Variants in GALNT14 observed in about 807,000 individuals in gnomAD.
GALNT14 encodes the protein UDP-GalNAc:polypeptide N-acetylgalactosaminyltransferase 14.
A neutral mutation model predicts 77.5 loss-of-function variants in GALNT14; 60 were observed. The observed-to-expected ratio is 0.77, with a 90% confidence interval of 0.63 to 0.96. The LOEUF (loss-of-function observed/expected upper bound fraction) is 0.96. GALNT14 is among the 40% of genes least tolerant of loss of function. GALNT14 has a pLI of 0.00. For synonymous variants in GALNT14, 280 were observed against 281.7 expected (o/e 0.99, Z 0.06); for missense variants, 710 against 731.0 (o/e 0.97, Z 0.33).
At chr2:31,131,930 C>T (rs115776891) in intron 1 of GALNT14, among the ~76,000 whole-genome samples, 1,898 of 152,288 alleles carry the variant, frequency 0.012, 33 homozygotes, top group South Asian at 0.045. Flanking sequence ...CCTCTGTCTT[C>T]TCTGATTTGA....
At chr2:31,088,931 A>T (rs1676593476) in intron 1 of GALNT14, among the ~76,000 whole-genome samples, 1 of 152,174 alleles carries the variant, frequency 6.6e-6, no homozygotes, top group Non-Finnish European at 1.5e-5. Flanking sequence ...GCAAGAGGGG[A>T]AACAGCAGAT....
chr2:30,954,144 G>C (rs1219632304), intron 6 of GALNT14, among the ~76,000 whole-genome samples: 2 of 152,158 alleles, frequency 1.3e-5, no homozygotes, highest in African/African-American at 4.8e-5. Flanking sequence ...GTGGAGAGGA[G>C]GGGAAGGGCA....
chr2:31,108,103 T>C (rs1677648959), intron 1 of GALNT14, among the ~76,000 whole-genome samples: 1 of 152,226 alleles, frequency 6.6e-6, no homozygotes, highest in African/African-American at 2.4e-5. Flanking sequence ...TGGCACCATC[T>C]GCCTGGCTGT....
At chr2:31,136,456 T>TC (rs759905295) in intron 1 of GALNT14, among the ~76,000 whole-genome samples, 22 of 152,060 alleles carry the variant, frequency 1.4e-4, no homozygotes, top group Non-Finnish European at 3.1e-4. Flanking sequence ...GACCTCAGGC[T>TC]CCCATGACAC....
At chr2:31,125,371 G>C in intron 1 of GALNT14, 1 of 759,678 alleles carries the variant, frequency 1.3e-6, no homozygotes, top group South Asian at 1.6e-5. Flanking sequence ...GAAAGATCTG[G>C]ATCCAGCCTT....
rs75492807 is a variant in GALNT14, at chr2:30,921,442, A to C, written c.1380+2677T>G. On this transcript the variant is annotated intron_variant, in intron 13 of 14. Transcript: ENST00000349752. ...ATTCTCATCCAGGCAGTCACGCCTT[A>C]AGCAAAATCAACACCTCAATTTCCT... Among the ~76,000 whole-genome samples, 417 of 152,294 alleles carry C rather than the reference A, an allele frequency of 2.7e-3. 1 individual carries two copies. Among genetic ancestry groups the C allele is most frequent in the Non-Finnish European group, 3.0e-3 (203 of 68,026 alleles).
At chr2:30,924,541 A>C (rs973904340) in intron 12 of GALNT14, among the ~76,000 whole-genome samples, 199 bp downstream of exon 12, 1 of 152,190 alleles carries the variant, frequency 6.6e-6, no homozygotes, top group Non-Finnish European at 1.5e-5. Context: ...CTACTGGCTA[A>C]CTGTAATCCT....
chr2:31,118,904 C>A (rs1420520737), intron 1 of GALNT14, among the ~76,000 whole-genome samples: 1 of 151,976 alleles, frequency 6.6e-6, no homozygotes, highest in African/African-American at 2.4e-5. Context: ...AAATGGAGTT[C>A]CCAGAACTAG....
At chr2:31,048,129 A>G (rs11886970) in intron 1 of GALNT14, among the ~76,000 whole-genome samples, 65,829 of 152,192 alleles carry the variant, frequency 0.43, 14,558 homozygotes, top group East Asian at 0.54. Context: ...CCAGACCCGA[A>G]GGCCATGAAA....
chr2:30,967,284 C>T (rs1408733344), intron 2 of GALNT14, among the ~76,000 whole-genome samples: 1 of 152,096 alleles, frequency 6.6e-6, no homozygotes, highest in Non-Finnish European at 1.5e-5. Context: ...ATTTCTTTTC[C>T]CCTGGAAAGA....
chr2:31,094,074 G>GA (rs1676886093), intron 1 of GALNT14, among the ~76,000 whole-genome samples: 1 of 152,200 alleles, frequency 6.6e-6, no homozygotes, highest in Admixed American at 6.5e-5. Context: ...TGAAGCAACT[G>GA]AAGATCCACA....
chr2:30,971,955 T>A (rs537400730), intron 2 of GALNT14, among the ~76,000 whole-genome samples: 103 of 152,272 alleles, frequency 6.8e-4, no homozygotes, highest in African/African-American at 2.2e-3. Flanking sequence ...CAATGAGCAG[T>A]CAGGGCTCCC....
intron 1 of GALNT14, among the ~76,000 whole-genome samples, chr2:31,014,037 C>T (rs997398803): frequency 1.3e-5 from 2 of 152,220 alleles, no homozygotes; most frequent in African/African-American, 4.8e-5. Flanking sequence ...TATGCTCTGA[C>T]ACTGGCTCCA....
intron 1 of GALNT14, among the ~76,000 whole-genome samples, chr2:31,010,900 T>C (rs960091801): frequency 2.0e-5 from 3 of 152,198 alleles, no homozygotes; most frequent in African/African-American, 7.2e-5. Context: ...AGTGGCAAGA[T>C]GGGAAACCAG....
intron 1 of GALNT14, among the ~76,000 whole-genome samples, chr2:31,070,452 C>A (rs940534260): frequency 6.6e-6 from 1 of 152,156 alleles, no homozygotes; most frequent in African/African-American, 2.4e-5. Flanking sequence ...AACACCACCT[C>A]CTTCTGAAAC....
intron 1 of GALNT14, among the ~76,000 whole-genome samples, chr2:31,128,591 G>C (rs1379681437): frequency 6.6e-6 from 1 of 152,186 alleles, no homozygotes; most frequent in African/African-American, 2.4e-5. Context: ...GAGCAGCCTA[G>C]GAATGAACAG....
At chr2:31,056,205 C>T (rs1674196766) in intron 1 of GALNT14, among the ~76,000 whole-genome samples, 1 of 152,094 alleles carries the variant, frequency 6.6e-6, no homozygotes, top group Admixed American at 6.6e-5. Context: ...CCAAGTGATT[C>T]CAAAGTAGGC....
intron 1 of GALNT14, among the ~76,000 whole-genome samples, chr2:31,119,952 C>T (rs1289336252): frequency 3.9e-5 from 3 of 76,630 alleles, no homozygotes; most frequent in East Asian, 5.9e-4. Flanking sequence ...GTCAGGAGAT[C>T]GAGACCATCC....
chr2:30,930,760 C>T (rs1665675532), intron 10 of GALNT14, among the ~76,000 whole-genome samples: 1 of 152,252 alleles, frequency 6.6e-6, no homozygotes, highest in African/African-American at 2.4e-5. Flanking sequence ...GCACACACAG[C>T]CTGGTTGGTG....
Sources: gnomAD v4.1 joint callset for allele counts (sites outside exome capture counted in the v4.1 genomes callset) on GRCh38, gnomAD v4.1.1 for gene constraint, MANE v1.5 for transcripts, NCBI Gene and HGNC (gene_info 2026-07-23, HGNC 2026-07-21) for gene names.